HELZ: variants seen among roughly 807,000 people sequenced by gnomAD.
HELZ encodes ATP-dependent RNA helicase with zinc finger domain.
In HELZ, 23 loss-of-function variants were observed where a neutral mutation model predicts 218.2. That is an observed-to-expected ratio of 0.11 (90% confidence interval 0.08 to 0.15). HELZ has a LOEUF of 0.15. Among genes scored for constraint, HELZ ranks in the 10% least tolerant of loss-of-function variants. The probability of loss-of-function intolerance (pLI) is 1.00; values close to 1 mark genes in which losing one functional copy is unlikely to be tolerated. For missense variants in HELZ, 1,813 were observed against 2,353.7 expected, an observed-to-expected ratio of 0.77 and a Z score of 4.75; for synonymous variants, 814 against 829.4, an observed-to-expected ratio of 0.98 and a Z score of 0.32.
In HELZ at chr17:67,136,152, A is replaced by G; in HGVS notation, c.3000T>C (p.His1000=). 1 of 1,613,980 alleles carries G rather than the reference A, an allele frequency of 6.2e-7. No homozygotes were observed. Among genetic ancestry groups the G allele is most frequent in the Non-Finnish European group, 8.5e-7 (1 of 1,179,864 alleles). Residue 1000 remains histidine, a synonymous_variant, in exon 23 of 33, where the codon CAT becomes CAC. Transcript: ENST00000358691. ...TTGGTGTCTGTTTATGTTTACAAGT[A>G]TGTCTTGTACGTACTGTGCTAAGAA... ...VLFLSTVRTR[H]TCKHKQTPIK...
chr17:67,238,129 A>G (rs2041232908), intron 3 of HELZ, among the ~76,000 whole-genome samples: 1 of 151,706 alleles, frequency 6.6e-6, no homozygotes, highest in Non-Finnish European at 1.5e-5. Context: ...GTGGATCATG[A>G]GGTCAGGAGT....
intron 7 of HELZ, 28 bp downstream of exon 7, chr17:67,201,101 C>G (rs1204632327): frequency 6.6e-7 from 1 of 1,516,474 alleles, no homozygotes; most frequent in Non-Finnish European, 9.2e-7. Context: ...TCAAACTCTT[C>G]CAAACGGATC....
chr17:67,222,081 A>G (rs2040762340), intron 3 of HELZ, among the ~76,000 whole-genome samples: 1 of 152,110 alleles, frequency 6.6e-6, no homozygotes, highest in East Asian at 1.9e-4. Flanking sequence ...GCCTCAAAAG[A>G]TCATCCCAAC....
intron 19 of HELZ, among the ~76,000 whole-genome samples, chr17:67,149,259 A>C (rs1382516622): frequency 6.6e-6 from 1 of 152,222 alleles, no homozygotes; most frequent in South Asian, 2.1e-4. Context: ...CTCTACATTT[A>C]ACTCTCTCCT....
At chr17:67,189,879 G>A (rs1436722359) in intron 10 of HELZ, among the ~76,000 whole-genome samples, 183 bp from the exon 11 acceptor site, 2 of 152,132 alleles carry the variant, frequency 1.3e-5, no homozygotes, top group Non-Finnish European at 2.9e-5. Context: ...TAAAATAAGA[G>A]AGAAAAGAAA....
At chr17:67,144,704 C>T (rs989404063) in intron 21 of HELZ, among the ~76,000 whole-genome samples, 2 of 151,996 alleles carry the variant, frequency 1.3e-5, no homozygotes, top group Non-Finnish European at 2.9e-5. Context: ...GCCACCAAGG[C>T]TTCTGGACAG....
chr17:67,184,219 T>C (rs1052394272), intron 12 of HELZ, among the ~76,000 whole-genome samples: 1 of 152,212 alleles, frequency 6.6e-6, no homozygotes, highest in African/African-American at 2.4e-5. Context: ...GAGCCAATGA[T>C]TAACTGAGCT....
chr17:67,107,627 C>T lies in HELZ; in HGVS notation c.4783G>A (p.Ala1595Thr), dbSNP rs1344588341. ...CTTGATTGAGGTGGTGGCATTTCAG[C>T]TAGTTCCCGTGTTTCACTTTGATCA... is the stretch of plus-strand genomic sequence containing the variant. ...HRDQSETREL[A>T]EMPPPQSRLL... The change falls in exon 31 of 33, where the codon GCT (alanine) becomes ACT (threonine). Residue 1595 changes from alanine to threonine, a missense_variant. By Grantham distance (58) the Ala-to-Thr change is moderately conservative (BLOSUM62 0). Around this residue, in one of 4 missense-constraint regions of HELZ, gnomAD observed 938 missense variants for 1,027.5 expected, o/e 0.91. Transcript: ENST00000358691. 6.2e-7 allele frequency: 1 copy of T among 1,614,110 alleles called. No homozygotes were observed. Among genetic ancestry groups the T allele is most frequent in the Non-Finnish European group, 8.5e-7 (1 of 1,179,998 alleles).
At chr17:67,219,244 C>CA (rs1330876928) in intron 3 of HELZ, among the ~76,000 whole-genome samples, 5 of 152,092 alleles carry the variant, frequency 3.3e-5, no homozygotes, top group East Asian at 3.9e-4. Context: ...ACCATGATTG[C>CA]AAAAAACCAA....
At chr17:67,079,038 C>T (rs1305024714) in intron 32 of HELZ, among the ~76,000 whole-genome samples, 1 of 152,138 alleles carries the variant, frequency 6.6e-6, no homozygotes. Flanking sequence ...ACAATGCTAC[C>T]CTTCCTTGTA....
chr17:67,245,535 C>T (rs1036578982), upstream of HELZ: 4 of 982,730 alleles, frequency 4.1e-6, no homozygotes, highest in South Asian at 4.7e-5. Context: ...CCTTGCCGCC[C>T]GCGGCGCGGC....
Position 67,236,071 on chromosome 17 carries a change from C to G in HELZ, c.-19+3362G>C, listed in dbSNP as rs982723728. 1.8e-4 allele frequency among the ~76,000 whole-genome samples: 27 copies of G among 152,170 alleles called. 1 individual carries two copies. The highest frequency in any genetic ancestry group is 1.7e-3 in the Admixed American group (26 of 15,274). On this transcript the variant is annotated intron_variant, in intron 3 of 32. Coordinates refer to ENST00000358691, the MANE Select transcript of HELZ (RefSeq NM_014877.4). The stretch of plus-strand genomic sequence containing the variant: ...CACTGCACCCAGCCTCGACCACACA[C>G]TCTTGTGAACAATTTTTACTGACCA...
intron 17 of HELZ, among the ~76,000 whole-genome samples, chr17:67,155,134 G>A (rs931051617): frequency 6.6e-6 from 1 of 152,208 alleles, no homozygotes; most frequent in African/African-American, 2.4e-5. Context: ...CTAGTTAAGT[G>A]TGTGTACAAA....
chr17:67,089,694 G>GAGAGAGAGACAGAC (rs776184027), intron 31 of HELZ, among the ~76,000 whole-genome samples: 11 of 100,726 alleles, frequency 1.1e-4, no homozygotes, highest in African/African-American at 4.5e-4. Flanking sequence ...GAGAGAGAGA[G>GAGAGAGAGACAGAC]AGAGAGACAG....
intron 5 of HELZ, among the ~76,000 whole-genome samples, chr17:67,214,136 T>A (rs902052625): frequency 2.6e-5 from 4 of 152,026 alleles, no homozygotes; most frequent in Non-Finnish European, 5.9e-5. Flanking sequence ...TAGCAGGGAT[T>A]TTTTTAAAAG....
intron 13 of HELZ, among the ~76,000 whole-genome samples, chr17:67,177,912 TGGA>T (rs2039505820): frequency 6.6e-6 from 1 of 152,092 alleles, no homozygotes; most frequent in East Asian, 1.9e-4. Flanking sequence ...TAAGGCATCC[TGGA>T]GAAGAAAAAT....
chr17:67,076,577 G>C lies in HELZ; in HGVS notation c.*1675C>G, dbSNP rs765605672. ...TAGAGCTGAATACAAGAGGCACGCAGCGCTTATCCTGGAGCTTGCTAACCA... is the reference window on the plus strand; with the variant it reads ...TAGAGCTGAATACAAGAGGCACGCACCGCTTATCCTGGAGCTTGCTAACCA... On this transcript the variant is annotated 3_prime_UTR_variant, in exon 33 of 33. Transcript: ENST00000358691. 1 of 152,240 alleles carries C rather than the reference G, an allele frequency of 6.6e-6. No homozygotes were observed. Among genetic ancestry groups the C allele is most frequent in the Non-Finnish European group, 1.5e-5 (1 of 68,054 alleles). The allele number at this position is 152,240 out of a possible 1,614,324, so 9.4% of individuals were successfully genotyped here.
At chr17:67,198,598 T>A (rs1184813100) in intron 7 of HELZ, among the ~76,000 whole-genome samples, 2 of 152,238 alleles carry the variant, frequency 1.3e-5, no homozygotes, top group Non-Finnish European at 2.9e-5. Flanking sequence ...GAATCAAATC[T>A]ATTAATCAGA....
At chr17:67,137,056 G>A (rs1177302491) in intron 22 of HELZ, among the ~76,000 whole-genome samples, 2 of 152,058 alleles carry the variant, frequency 1.3e-5, no homozygotes, top group Admixed American at 6.6e-5. Flanking sequence ...CTTTGTTGAA[G>A]CAGTCATCCA....
Sources: allele counts gnomAD v4.1 joint callset (sites outside exome capture counted in the v4.1 genomes callset), GRCh38; gene constraint gnomAD v4.1.1; regional missense constraint gnomAD v4.1.1; transcripts MANE v1.5; gene names NCBI Gene and HGNC (gene_info 2026-07-23, HGNC 2026-07-21).